Variants in ADGRB3 observed in about 807,000 individuals in gnomAD.
ADGRB3 encodes the protein brain-specific angiogenesis inhibitor 3.
ADGRB3 carries 37 observed loss-of-function variants against 193.4 expected under a neutral mutation model. That is an observed-to-expected ratio of 0.19 (90% CI 0.15 to 0.25). The LOEUF (loss-of-function observed/expected upper bound fraction) is 0.25. Ranked by LOEUF, ADGRB3 falls within the 10% of genes least tolerant of loss-of-function variation. The pLI is 1.00. For synonymous variants in ADGRB3, 690 were observed against 644.2 expected (o/e 1.07, Z -1.08); for missense variants, 1,637 against 1,852.9 (o/e 0.88, Z 2.14).
chr6:68,725,113 T>C (rs1370742822), intron 3 of ADGRB3, among the ~76,000 whole-genome samples: 1 of 151,662 alleles, frequency 6.6e-6, no homozygotes, highest in African/African-American at 2.4e-5. Flanking sequence ...AGATGGGACA[T>C]TCAAAGTCAT....
At chr6:68,933,239 A>G (rs1582326274) in intron 4 of ADGRB3, among the ~76,000 whole-genome samples, 1 of 152,252 alleles carries the variant, frequency 6.6e-6, no homozygotes, top group East Asian at 1.9e-4. Context: ...GCAGTCTTTC[A>G]TTACCGTGAG....
At chr6:69,200,676 A>G (rs1765401324) in intron 17 of ADGRB3, among the ~76,000 whole-genome samples, 1 of 152,112 alleles carries the variant, frequency 6.6e-6, no homozygotes, top group Non-Finnish European at 1.5e-5. Flanking sequence ...AAGCCTTCTC[A>G]GCTGCATCTC....
Position 69,233,555 on chromosome 6 carries a change from A to G in ADGRB3, c.2607+139A>G, listed in dbSNP as rs965545126. The G allele has an allele frequency of 9.1e-6, 10 of 1,104,620 alleles. No homozygotes were observed. In the African/African-American group the frequency reaches 9.5e-5, roughly 11 times the overall value. 68.4% of individuals were successfully genotyped at this position (1,104,620 alleles called of 1,614,324 possible). On this transcript the variant is annotated intron_variant, in intron 18 of 31. Coordinates refer to ENST00000370598, the MANE Select transcript of ADGRB3 (RefSeq NM_001704.3). The stretch of plus-strand genomic sequence containing the variant: ...AATTGGGTTCGTCTCCTCCTTAGCT[A>G]TAGTAGCTTGGTGGAATGAATTCTA...
At chr6:69,307,081 T>G (rs1768082352) in intron 20 of ADGRB3, among the ~76,000 whole-genome samples, 1 of 151,424 alleles carries the variant, frequency 6.6e-6, no homozygotes, top group Admixed American at 6.6e-5. Context: ...CTTTTTTTTT[T>G]GCTTCCAACA....
intron 20 of ADGRB3, among the ~76,000 whole-genome samples, chr6:69,255,924 T>C (rs1766758514): frequency 6.6e-6 from 1 of 152,226 alleles, no homozygotes; most frequent in Admixed American, 6.5e-5. Context: ...TACATATGGC[T>C]ATCCAGTTTT....
intron 3 of ADGRB3, among the ~76,000 whole-genome samples, chr6:68,772,888 A>T (rs1219542198): frequency 5.6e-4 from 29 of 51,900 alleles, no homozygotes; most frequent in East Asian, 1.9e-3. Context: ...CAAACAAAAA[A>T]AAAAAAATAT....
chr6:68,757,182 A>G (rs186226040), intron 3 of ADGRB3, among the ~76,000 whole-genome samples: 3 of 152,132 alleles, frequency 2.0e-5, no homozygotes, highest in Non-Finnish European at 2.9e-5. Context: ...CTTTCTGAGC[A>G]TAAGCTTTTT....
chr6:68,951,044 A>G (rs1767903196), intron 6 of ADGRB3, among the ~76,000 whole-genome samples: 1 of 152,048 alleles, frequency 6.6e-6, no homozygotes, highest in African/African-American at 2.4e-5. Flanking sequence ...GGATCCCCAC[A>G]AGCCCCAGTC....
intron 3 of ADGRB3, among the ~76,000 whole-genome samples, chr6:68,891,991 A>G (rs1462600500): frequency 6.6e-6 from 1 of 152,208 alleles, no homozygotes; most frequent in Non-Finnish European, 1.5e-5. Flanking sequence ...TGTTCTGTCC[A>G]TACTGTCCAG....
Position 69,355,822 on chromosome 6 carries a change from C to G in ADGRB3, c.3557C>G (p.Thr1186Arg). The stretch of plus-strand genomic sequence containing the variant: ...ATGTCTTATTATTTATTGTTACAGA[C>G]AGACTTTGAAAAGGATGTAGACATT... ...SFPNGHAQIM[T>R]DFEKDVDIAC... Residue 1186 changes from threonine to arginine, a missense_variant and splice_region_variant, in exon 28 of 32, where the codon ACA (threonine) becomes AGA (arginine). Coordinates refer to ENST00000370598, the MANE Select transcript of ADGRB3 (RefSeq NM_001704.3). 1 of 1,607,194 alleles carries G rather than the reference C, an allele frequency of 6.2e-7. No individual in the cohort carries two copies. Among genetic ancestry groups the G allele is most frequent in the Non-Finnish European group, 8.5e-7 (1 of 1,174,510 alleles).
At chr6:69,305,980 T>G (rs980948954) in intron 20 of ADGRB3, among the ~76,000 whole-genome samples, 1 of 151,540 alleles carries the variant, frequency 6.6e-6, no homozygotes, top group South Asian at 2.1e-4. Flanking sequence ...GGCATTGTAT[T>G]ATATATTGTA....
chr6:68,743,469 A>G (rs184996187), intron 3 of ADGRB3, among the ~76,000 whole-genome samples: 81 of 151,514 alleles, frequency 5.3e-4, no homozygotes, highest in African/African-American at 1.7e-3. Context: ...TTGATAACCC[A>G]TGTTTTCTTA....
intron 20 of ADGRB3, among the ~76,000 whole-genome samples, chr6:69,279,072 TA>T (rs1767364542): frequency 3.6e-4 from 1 of 2,742 alleles, no homozygotes; most frequent in South Asian, 0.01. Context: ...AATACATATG[TA>T]TATATATATA....
chr6:68,913,285 A>T (rs7749284), intron 3 of ADGRB3, among the ~76,000 whole-genome samples: 4 of 151,554 alleles, frequency 2.6e-5, no homozygotes, highest in Non-Finnish European at 5.9e-5. Context: ...CCTAACTGGG[A>T]GGCACCCCCC....
intron 3 of ADGRB3, among the ~76,000 whole-genome samples, chr6:68,819,356 C>A (rs1767704517): frequency 6.6e-6 from 1 of 151,968 alleles, no homozygotes; most frequent in South Asian, 2.1e-4. Context: ...CCACCATACA[C>A]ATGTTCTTGA....
intron 3 of ADGRB3, among the ~76,000 whole-genome samples, chr6:68,725,892 A>T (rs1765664574): frequency 6.6e-6 from 1 of 151,620 alleles, no homozygotes; most frequent in African/African-American, 2.4e-5. Context: ...AAGGAAATAC[A>T]GAGAGCTCCC....
chr6:69,168,934 C>T (rs575195165), intron 17 of ADGRB3, among the ~76,000 whole-genome samples: 1 of 152,108 alleles, frequency 6.6e-6, no homozygotes, highest in Admixed American at 6.5e-5. Context: ...AACATCTCAA[C>T]TTATTTTTAT....
At chr6:68,700,342 C>T (rs1443899057) in intron 3 of ADGRB3, among the ~76,000 whole-genome samples, 1 of 151,928 alleles carries the variant, frequency 6.6e-6, no homozygotes, top group African/African-American at 2.4e-5. Context: ...AGTAGATCTA[C>T]TTTATTTTCA....
At chr6:68,863,598 G>A (rs1012236544) in intron 3 of ADGRB3, among the ~76,000 whole-genome samples, 6 of 151,960 alleles carry the variant, frequency 3.9e-5, no homozygotes, top group Admixed American at 1.3e-4. Context: ...TTGAAAAACT[G>A]TATGTCCAAG....
Sources: allele counts gnomAD v4.1 joint callset (sites outside exome capture counted in the v4.1 genomes callset), GRCh38; gene constraint gnomAD v4.1.1; transcripts MANE v1.5; gene names NCBI Gene and HGNC (gene_info 2026-07-23, HGNC 2026-07-21).